Variants in HMOX2 observed in about 807,000 individuals in gnomAD.
The protein encoded by HMOX2 is heme oxygenase (decycling) 2.
A neutral mutation model predicts 33.7 loss-of-function variants in HMOX2; 30 were observed. The observed-to-expected ratio is 0.89, with a 90% CI of 0.67 to 1.21. The LOEUF is 1.21. HMOX2 is among the 50% of genes most tolerant of loss of function. The pLI is 0.00. For missense variants in HMOX2, 403 were observed against 399.1 expected (o/e 1.01, Z -0.08); for synonymous variants, 155 against 155.0 (o/e 1.00, Z 0.00).
intron 1 of HMOX2, 185 bp downstream of exon 1, chr16:4,476,672 C>A (rs2057851940): frequency 1.3e-5 from 2 of 152,388 alleles, no homozygotes; most frequent in Admixed American, 6.5e-5. Flanking sequence ...CTGGGTGAGG[C>A]CGGGCAGAAG....
At chr16:4,482,185 G>A (rs1301428195) in intron 1 of HMOX2, among the ~76,000 whole-genome samples, 4 of 152,156 alleles carry the variant, frequency 2.6e-5, no homozygotes, top group Non-Finnish European at 1.5e-5. Context: ...TCAAATGTCT[G>A]TGTTCAGTGT....
At chr16:4,476,885 G>T (rs1052212588) in intron 1 of HMOX2, among the ~76,000 whole-genome samples, 1 of 152,214 alleles carries the variant, frequency 6.6e-6, no homozygotes, top group Non-Finnish European at 1.5e-5. Flanking sequence ...GTGCAGACAG[G>T]GGATGCCGGC....
At position 4,478,379 on chromosome 16, in the gene HMOX2, A is replaced by G. The variant is rs142486480; in HGVS notation, c.-42+1892A>G. Among the ~76,000 whole-genome samples, 440 of 152,246 alleles carry G rather than the reference A, an allele frequency of 2.9e-3. 3 individuals are homozygous for G. Among genetic ancestry groups the G allele is most frequent in the African/African-American group, 0.01 (416 of 41,544 alleles). On this transcript the variant is annotated intron_variant, in intron 1 of 5. Transcript: ENST00000570646. ...TTCCTTTTAACAGCTGACTCTCTTC[A>G]CAGGACAGTTGGGCTCTACATCAGG...
In HMOX2 at chr16:4,505,470, T is replaced by G; in HGVS notation, c.-41-14T>G. 8 of 1,392,750 alleles carry G rather than the reference T, an allele frequency of 5.7e-6. No homozygotes were observed. Among genetic ancestry groups the G allele is most frequent in the Non-Finnish European group, 7.9e-6 (8 of 1,006,356 alleles). 86.3% of individuals were successfully genotyped at this position (1,392,750 alleles called of 1,614,324 possible). The stretch of plus-strand genomic sequence containing the variant: ...CCGTGGGTGCCACATCACCAGCTCC[T>G]TGTGTCTCTGCAGGACCAGAGGAGC... On this transcript the variant is annotated splice_polypyrimidine_tract_variant and intron_variant, in intron 1 of 5. Transcript: ENST00000570646.
Position 4,509,448 on chromosome 16 carries a change from G to T in HMOX2, c.733G>T (p.Ala245Ser). Residue 245 changes from alanine (A) to serine (S), a missense_variant, in exon 5 of 6, where the codon GCC becomes TCC. Ala to Ser is a moderately conservative substitution (Grantham distance 99). Transcript: ENST00000570646. ...ACTGGACCAGGCCGGCTCCACACTG[G>T]CCAGAGAGACCTTGGAGGATGGGTT... ...NELDQAGSTLARETLEDGFPV... is the reference protein window; with the variant it reads ...NELDQAGSTLSRETLEDGFPV... 1 of 1,614,180 alleles carries T rather than the reference G, an allele frequency of 6.2e-7. No homozygotes were observed. The highest frequency in any genetic ancestry group is 8.5e-7 in the Non-Finnish European group (1 of 1,180,024).
chr16:4,488,113 G>A (rs4238849), intron 1 of HMOX2, among the ~76,000 whole-genome samples: 79,848 of 144,240 alleles, frequency 0.55, 24,834 homozygotes, highest in Non-Finnish European at 0.7. Context: ...TGCAACGAGA[G>A]GGAAACTCCA....
chr16:4,503,229 G>A lies in HMOX2; in HGVS notation c.-41-2255G>A, dbSNP rs17883661. Among the ~76,000 whole-genome samples the A allele has an allele frequency of 2.5e-4, 38 of 152,260 alleles. No homozygotes were observed. The South Asian group carries it at 5.4e-3, about 22-fold the overall frequency. On this transcript the variant is annotated intron_variant, in intron 1 of 5. Coordinates refer to ENST00000570646, the MANE Select transcript of HMOX2 (RefSeq NM_002134.4). ...AATGCCTGTTTTTGCCCCTTGGTAA[G>A]TGGACGCACAGCTGGGCAGCCTTAT... is the stretch of plus-strand genomic sequence containing the variant.
intron 1 of HMOX2, among the ~76,000 whole-genome samples, chr16:4,487,902 G>T (rs894965231): frequency 1.3e-5 from 2 of 148,652 alleles, no homozygotes; most frequent in African/African-American, 2.5e-5. Flanking sequence ...GGCGAGGGGA[G>T]ATCACGCCAT....
chr16:4,478,048 C>T (rs1434776913), intron 1 of HMOX2, among the ~76,000 whole-genome samples: 1 of 152,202 alleles, frequency 6.6e-6, no homozygotes, highest in African/African-American at 2.4e-5. Context: ...GGTTTAAACA[C>T]TGGTGAGGGT....
intron 1 of HMOX2, among the ~76,000 whole-genome samples, chr16:4,485,631 G>T (rs1231644136): frequency 1.3e-5 from 2 of 152,054 alleles, no homozygotes; most frequent in African/African-American, 4.8e-5. Flanking sequence ...GAGCACTCAG[G>T]GTCTTACTGA....
intron 2 of HMOX2, among the ~76,000 whole-genome samples, chr16:4,506,557 G>A (rs547319235): frequency 6.6e-6 from 1 of 152,294 alleles, no homozygotes; most frequent in South Asian, 2.1e-4. Flanking sequence ...AGGGAATACA[G>A]ATGTGTGTCT....
In HMOX2 at chr16:4,509,875, A is replaced by AGTTTTTTAATGATAC; in HGVS notation, c.*120_*121insTTTTTTAATGATACG. 2 of 1,177,780 alleles carry AGTTTTTTAATGATAC rather than the reference A, an allele frequency of 1.7e-6. No homozygotes were observed. The highest frequency in any genetic ancestry group is 1.5e-5 in the South Asian group (1 of 66,030). The allele number at this position is 1,177,780 out of a possible 1,614,324, so 73.0% of individuals were successfully genotyped here. ...TTTTAAAAAATGCTGGGTTTAAGAA[A>AGTTTTTTAATGATAC]GGCAACCAATAAAAGCCAGATGCTA... On this transcript the variant is annotated 3_prime_UTR_variant, in exon 6 of 6. Coordinates refer to ENST00000570646, the MANE Select transcript of HMOX2 (RefSeq NM_002134.4).
chr16:4,509,606 C>T (rs764614966), intron 5 of HMOX2, 23 bp from the exon 6 acceptor site: 19 of 1,613,460 alleles, frequency 1.2e-5, no homozygotes, highest in Non-Finnish European at 1.6e-5. Context: ...GATGCCATGT[C>T]TCCTATTGGT....
Position 4,509,432 on chromosome 16 carries a change from G to C in HMOX2, c.717G>C (p.Gln239His). 1 of 1,614,106 alleles carries C rather than the reference G, an allele frequency of 6.2e-7. No homozygotes were observed. The highest frequency in any genetic ancestry group is 1.1e-5 in the South Asian group (1 of 91,078). The change falls in exon 5 of 6, where the codon CAG (glutamine) becomes CAC (histidine). Residue 239 changes from glutamine (Q) to histidine (H), a missense_variant. By Grantham distance (24) the Gln-to-His change is conservative. Transcript: ENST00000570646. ...YNMQIFNELD[Q>H]AGSTLARETL... ...TGCAGATATTCAATGAACTGGACCA[G>C]GCCGGCTCCACACTGGCCAGAGAGA...
chr16:4,493,537 C>G (rs756625551), intron 1 of HMOX2, among the ~76,000 whole-genome samples: 4 of 152,216 alleles, frequency 2.6e-5, no homozygotes, highest in Non-Finnish European at 5.9e-5. Flanking sequence ...CAAGTCCACC[C>G]AACTGGGATG....
intron 1 of HMOX2, among the ~76,000 whole-genome samples, chr16:4,489,486 G>T (rs2058255875): frequency 6.6e-6 from 1 of 152,034 alleles, no homozygotes. Context: ...TTGAAACAGA[G>T]TCCTGCTGTG....
At chr16:4,493,193 C>G (rs2058344582) in intron 1 of HMOX2, among the ~76,000 whole-genome samples, 1 of 152,040 alleles carries the variant, frequency 6.6e-6, no homozygotes, top group African/African-American at 2.4e-5. Flanking sequence ...GCCACTCCCT[C>G]CACCCCCGTC....
chr16:4,485,637 A>C (rs1425551041), intron 1 of HMOX2, among the ~76,000 whole-genome samples: 1 of 152,210 alleles, frequency 6.6e-6, no homozygotes, highest in Non-Finnish European at 1.5e-5. Context: ...TCAGGGTCTT[A>C]CTGAAAACTT....
At chr16:4,502,581 C>T (rs2058584786) in intron 1 of HMOX2, among the ~76,000 whole-genome samples, 1 of 152,136 alleles carries the variant, frequency 6.6e-6, no homozygotes, top group Admixed American at 6.5e-5. Context: ...TACTGCACCC[C>T]TCCCTCCTCT....
Sources: allele counts gnomAD v4.1 joint callset (sites outside exome capture counted in the v4.1 genomes callset), GRCh38; gene constraint gnomAD v4.1.1; transcripts MANE v1.5; gene names NCBI Gene and HGNC (gene_info 2026-07-23, HGNC 2026-07-21).